MACROD2: variants seen among roughly 807,000 people sequenced by gnomAD.
MACROD2 encodes mono-ADP ribosylhydrolase 2, also known as ADP-ribose glycohydrolase MACROD2.
Under a neutral mutation model 70.4 loss-of-function variants are expected in MACROD2, and 36 were observed. The observed-to-expected ratio is 0.51, with a 90% CI of 0.39 to 0.68. The LOEUF (loss-of-function observed/expected upper bound fraction) is 0.68, where lower values mean the gene tolerates loss of function less well. Among genes scored for constraint, MACROD2 ranks in the 30% least tolerant of loss-of-function variants. The probability of loss-of-function intolerance (pLI) is 0.00; values close to 1 mark genes in which losing one functional copy is unlikely to be tolerated. For synonymous variants in MACROD2, 172 were observed against 178.8 expected, an observed-to-expected ratio of 0.96 and a Z score of 0.30; for missense variants, 496 against 538.4, an observed-to-expected ratio of 0.92 and a Z score of 0.78.
chr20:15,856,912 A>C (rs2064363120), intron 8 of MACROD2, among the ~76,000 whole-genome samples: 1 of 152,212 alleles, frequency 6.6e-6, no homozygotes. Context: ...GACCAACAAA[A>C]GTTCATCGAA....
chr20:14,502,598 A>G (rs1182378568), intron 4 of MACROD2, among the ~76,000 whole-genome samples: 4 of 152,198 alleles, frequency 2.6e-5, no homozygotes, highest in African/African-American at 9.7e-5. Context: ...TTGAACTACA[A>G]AGTGTTAGAT....
chr20:15,637,655 G>A (rs1011213735), intron 8 of MACROD2, among the ~76,000 whole-genome samples: 54 of 152,304 alleles, frequency 3.5e-4, no homozygotes, highest in African/African-American at 1.1e-3. Context: ...GAAAAGAAGG[G>A]AGACCGTGAG....
At chr20:14,274,316 C>A (rs2082228796) in intron 3 of MACROD2, among the ~76,000 whole-genome samples, 1 of 152,168 alleles carries the variant, frequency 6.6e-6, no homozygotes, top group South Asian at 2.1e-4. Flanking sequence ...TGGGCTTCAT[C>A]CCTGGGATGC....
intron 10 of MACROD2, among the ~76,000 whole-genome samples, chr20:15,905,441 A>G (rs2065132997): frequency 6.6e-6 from 1 of 152,178 alleles, no homozygotes; most frequent in Non-Finnish European, 1.5e-5. Flanking sequence ...GTGTTTAACA[A>G]TTTGTCTATT....
intron 5 of MACROD2, among the ~76,000 whole-genome samples, chr20:15,198,107 G>A (rs169190): frequency 0.2 from 30,175 of 151,808 alleles, 3,408 homozygotes; most frequent in African/African-American, 0.31. Flanking sequence ...GACTACAGGC[G>A]TGTACCACCA....
rs1277210811 is a variant in MACROD2, at chr20:15,918,226, C to A, written c.776-15050C>A. Among the ~76,000 whole-genome samples, 7 of 152,222 alleles carry A rather than the reference C, an allele frequency of 4.6e-5. No homozygotes were observed. In the East Asian group the frequency reaches 1.4e-3, roughly 29 times the overall value. ...ATTTAATTGGCGTTAATAGGACAGA[C>A]TTTGAAGGGTCATATTTTATTTTGG... On this transcript the variant is annotated intron_variant, in intron 10 of 17. Coordinates refer to ENST00000684519, the MANE Select transcript of MACROD2 (RefSeq NM_001351661.2).
intron 3 of MACROD2, among the ~76,000 whole-genome samples, chr20:14,268,176 A>G (rs2082159683): frequency 6.6e-6 from 1 of 152,100 alleles, no homozygotes; most frequent in Non-Finnish European, 1.5e-5. Flanking sequence ...GCATTTTTAA[A>G]CAAATCCCAG....
At chr20:14,346,802 C>T (rs1049572958) in intron 3 of MACROD2, among the ~76,000 whole-genome samples, 1 of 152,144 alleles carries the variant, frequency 6.6e-6, no homozygotes, top group African/African-American at 2.4e-5. Flanking sequence ...TTGTTTGCCA[C>T]GTGTCTTCCC....
intron 8 of MACROD2, among the ~76,000 whole-genome samples, chr20:15,597,307 T>C (rs2048759295): frequency 6.6e-6 from 1 of 152,298 alleles, no homozygotes; most frequent in East Asian, 1.9e-4. Flanking sequence ...ACATGAAAAA[T>C]GTAAAAGATT....
At chr20:14,940,148 C>CAAAAAAAAAAAAAAAAAAAA (rs57697517) in intron 5 of MACROD2, among the ~76,000 whole-genome samples, 1 of 55,106 alleles carries the variant, frequency 1.8e-5, no homozygotes, top group Non-Finnish European at 4.0e-5. Flanking sequence ...CTCATCTCTG[C>CAAAAAAAAAAAAAAAAAAAA]AAAAAAAAAA....
intron 8 of MACROD2, among the ~76,000 whole-genome samples, chr20:15,567,397 G>A (rs1225125006): frequency 1.3e-5 from 2 of 152,176 alleles, no homozygotes; most frequent in Non-Finnish European, 2.9e-5. Flanking sequence ...ATAAAGCCAC[G>A]GATGTGGCCT....
intron 12 of MACROD2, among the ~76,000 whole-genome samples, chr20:15,946,271 A>G (rs2065821464): frequency 6.6e-6 from 1 of 152,098 alleles, no homozygotes; most frequent in African/African-American, 2.4e-5. Context: ...TATTCTGTAT[A>G]TGAAAATCCT....
intron 5 of MACROD2, among the ~76,000 whole-genome samples, chr20:15,213,356 A>G (rs1470524461): frequency 6.6e-6 from 1 of 152,120 alleles, no homozygotes; most frequent in African/African-American, 2.4e-5. Context: ...CTTTGGACTT[A>G]AATTACTCAG....
intron 6 of MACROD2, among the ~76,000 whole-genome samples, chr20:15,286,911 T>G (rs1333762540): frequency 6.6e-6 from 1 of 152,132 alleles, no homozygotes; most frequent in African/African-American, 2.4e-5. Flanking sequence ...GAGATACATA[T>G]TAGAGAAGAG....
chr20:14,604,237 A>T (rs1376607340), intron 4 of MACROD2, among the ~76,000 whole-genome samples: 2 of 152,220 alleles, frequency 1.3e-5, no homozygotes, highest in East Asian at 3.8e-4. Flanking sequence ...ATCCAAAGGA[A>T]CCATTCTGCC....
chr20:14,109,943 A>G (rs987598275), intron 3 of MACROD2, among the ~76,000 whole-genome samples: 5 of 151,980 alleles, frequency 3.3e-5, no homozygotes, highest in Admixed American at 6.6e-5. Context: ...GTACAGGCCA[A>G]TATCTCTGAT....
At chr20:14,905,881 C>G (rs2122569838) in intron 5 of MACROD2, 1 of 152,278 alleles carries the variant, frequency 6.6e-6, no homozygotes, top group South Asian at 2.1e-4. Context: ...GAGATTCTTT[C>G]CTGGACCTCT....
At chr20:14,271,695 C>T (rs1221517170) in intron 3 of MACROD2, among the ~76,000 whole-genome samples, 4 of 152,056 alleles carry the variant, frequency 2.6e-5, no homozygotes, top group South Asian at 2.1e-4. Context: ...CAAACTACTC[C>T]GAGCTACAGG....
chr20:14,261,934 G>A (rs1327197246), intron 3 of MACROD2, among the ~76,000 whole-genome samples: 1 of 152,088 alleles, frequency 6.6e-6, no homozygotes, highest in Non-Finnish European at 1.5e-5. Context: ...GGATAAAGAT[G>A]CTAGTGACCA....
Sources: gnomAD v4.1 joint callset for allele counts (sites outside exome capture counted in the v4.1 genomes callset) on GRCh38, gnomAD v4.1.1 for gene constraint, MANE v1.5 for transcripts, NCBI Gene and HGNC (gene_info 2026-07-23, HGNC 2026-07-21) for gene names.